CNTN5: variants seen among roughly 807,000 people sequenced by gnomAD.
CNTN5 encodes contactin 5.
In CNTN5, 77 loss-of-function variants were observed where a neutral mutation model predicts 129.1. That is an observed-to-expected ratio of 0.60 (90% CI 0.50 to 0.72). CNTN5 has a LOEUF of 0.72. CNTN5 is among the 30% of genes least tolerant of loss of function. CNTN5 has a pLI of 0.00. For missense variants in CNTN5, 1,478 were observed against 1,328.8 expected, an observed-to-expected ratio of 1.11 and a Z score of -1.75; for synonymous variants, 509 against 465.6, an observed-to-expected ratio of 1.09 and a Z score of -1.20.
chr11:99,389,222 T>A (rs2136182692), intron 2 of CNTN5, among the ~76,000 whole-genome samples: 1 of 151,948 alleles, frequency 6.6e-6, no homozygotes. Context: ...AGAGACAAGT[T>A]TCACCATGTT....
chr11:99,574,542 T>G (rs1949283170), intron 3 of CNTN5, among the ~76,000 whole-genome samples: 1 of 152,198 alleles, frequency 6.6e-6, no homozygotes, highest in African/African-American at 2.4e-5. Context: ...AAACTTTTCC[T>G]TATTTCTCCA....
chr11:99,348,769 G>A (rs182775351), intron 2 of CNTN5, among the ~76,000 whole-genome samples: 122 of 152,252 alleles, frequency 8.0e-4, no homozygotes, highest in Non-Finnish European at 1.2e-3. Flanking sequence ...AAGATCTGTG[G>A]TTTTAAATCA....
intron 1 of CNTN5, among the ~76,000 whole-genome samples, chr11:99,287,851 G>C (rs1231793155): frequency 6.6e-6 from 1 of 151,836 alleles, no homozygotes; most frequent in Non-Finnish European, 1.5e-5. Context: ...GAAAAGAAGG[G>C]GGAGGATGTG....
chr11:99,555,650 T>G (rs1461060962), intron 2 of CNTN5, among the ~76,000 whole-genome samples: 2 of 151,888 alleles, frequency 1.3e-5, no homozygotes, highest in Non-Finnish European at 2.9e-5. Flanking sequence ...ACAAAGGAAG[T>G]TGACATTAAT....
At chr11:100,255,998 A>C in intron 17 of CNTN5, 80 bp downstream of exon 17, 1 of 1,282,400 alleles carries the variant, frequency 7.8e-7, no homozygotes, top group Non-Finnish European at 1.1e-6. Context: ...AGGTCTTACT[A>C]TGATTTTTTT....
intron 6 of CNTN5, among the ~76,000 whole-genome samples, chr11:99,882,644 T>A (rs1948801104): frequency 6.6e-6 from 1 of 152,194 alleles, no homozygotes; most frequent in Non-Finnish European, 1.5e-5. Context: ...ATAAAATGCC[T>A]AATAATCATA....
chr11:99,120,087 G>C (rs1027118452), intron 1 of CNTN5: 1 of 152,098 alleles, frequency 6.6e-6, no homozygotes, highest in African/African-American at 2.4e-5. Flanking sequence ...TGTTTATTCT[G>C]TTGATAGTTC....
intron 3 of CNTN5, among the ~76,000 whole-genome samples, chr11:99,695,395 AG>A (rs1954225729): frequency 6.6e-6 from 1 of 152,116 alleles, no homozygotes; most frequent in Non-Finnish European, 1.5e-5. Flanking sequence ...ATCCATGTGA[AG>A]ATAGACACCA....
intron 1 of CNTN5, among the ~76,000 whole-genome samples, chr11:99,045,783 A>T (rs1054927179): frequency 6.6e-6 from 1 of 152,194 alleles, no homozygotes; most frequent in Non-Finnish European, 1.5e-5. Flanking sequence ...CATTTAACAT[A>T]ATTTAAAGAA....
intron 7 of CNTN5, among the ~76,000 whole-genome samples, chr11:99,926,684 T>G (rs1310434177): frequency 1.3e-5 from 2 of 152,114 alleles, no homozygotes; most frequent in African/African-American, 4.8e-5. Context: ...CAAAAAGTAA[T>G]TGTTCCAAAA....
intron 17 of CNTN5, among the ~76,000 whole-genome samples, chr11:100,264,674 A>G (rs1223046013): frequency 6.6e-6 from 1 of 152,122 alleles, no homozygotes; most frequent in Non-Finnish European, 1.5e-5. Context: ...GCTAATGTCA[A>G]TAGTGCTGCA....
At chr11:99,021,379 TTGCCA>T (rs1308152428) in intron 1 of CNTN5, 109 bp downstream of exon 1, 1 of 152,228 alleles carries the variant, frequency 6.6e-6, no homozygotes, top group Non-Finnish European at 1.5e-5. Flanking sequence ...CCATCCTTTC[TTGCCA>T]TGTTGCCAGA....
chr11:99,393,106 A>G (rs1036328067), intron 2 of CNTN5, among the ~76,000 whole-genome samples: 3 of 151,862 alleles, frequency 2.0e-5, no homozygotes, highest in African/African-American at 7.2e-5. Flanking sequence ...CAAAAGCCCC[A>G]CTAATAAGTA....
intron 13 of CNTN5, among the ~76,000 whole-genome samples, chr11:100,179,751 A>G (rs961114900): frequency 6.6e-5 from 10 of 152,232 alleles, no homozygotes; most frequent in Admixed American, 6.5e-4. Context: ...TAATTTATCC[A>G]TTGCTAAGCC....
chr11:100,104,175 A>AC (rs1262832417), intron 13 of CNTN5, among the ~76,000 whole-genome samples: 1 of 151,276 alleles, frequency 6.6e-6, no homozygotes, highest in Non-Finnish European at 1.5e-5. Context: ...GCTCACTGCA[A>AC]CTTCCGCCTC....
intron 3 of CNTN5, among the ~76,000 whole-genome samples, chr11:99,576,160 G>C (rs1949344127): frequency 6.6e-6 from 1 of 152,220 alleles, no homozygotes; most frequent in African/African-American, 2.4e-5. Context: ...CGGCAAGCCT[G>C]ATCTGTGAGG....
rs559239928 is a variant in CNTN5, at chr11:100,097,322, G to T, written c.1580+23028G>T. 4.6e-5 allele frequency among the ~76,000 whole-genome samples: 7 copies of T among 152,148 alleles called. 1 individual carries two copies. The highest frequency in any genetic ancestry group is 1.7e-4 in the African/African-American group (7 of 41,564). On this transcript the variant is annotated intron_variant, in intron 13 of 24. Transcript: ENST00000524871. ...GTGATTTGCTCAAATTCATGAACCT[G>T]CCTCTCCTAATATTCAGCCAAGTGT...
chr11:100,056,833 G>C (rs17695808), intron 9 of CNTN5, among the ~76,000 whole-genome samples: 13,901 of 151,652 alleles, frequency 0.092, 824 homozygotes, highest in East Asian at 0.18. Context: ...TTATTTTAGT[G>C]TACAAGGATT....
intron 7 of CNTN5, among the ~76,000 whole-genome samples, chr11:99,956,466 T>G (rs2136169000): frequency 6.6e-6 from 1 of 152,322 alleles, no homozygotes; most frequent in African/African-American, 2.4e-5. Context: ...TGGGTAAATT[T>G]TCTTCATTAA....
Sources: allele counts gnomAD v4.1 joint callset (sites outside exome capture counted in the v4.1 genomes callset), GRCh38; gene constraint gnomAD v4.1.1; transcripts MANE v1.5; gene names NCBI Gene and HGNC (gene_info 2026-07-23, HGNC 2026-07-21).